Variants in JAZF1 observed in about 807,000 individuals in gnomAD.
JAZF1 encodes juxtaposed with another zinc finger protein 1.
JAZF1 carries 8 observed loss-of-function variants against 26.4 expected under a neutral mutation model. The observed-to-expected ratio is 0.30, with a 90% CI of 0.18 to 0.55. The LOEUF (loss-of-function observed/expected upper bound fraction) is 0.55, where lower values mean the gene tolerates loss of function less well. Ranked by LOEUF, JAZF1 falls within the 20% of genes least tolerant of loss-of-function variation. The pLI, the probability that JAZF1 is intolerant of heterozygous loss-of-function variation, is 0.94. For missense variants in JAZF1, 199 were observed against 322.0 expected, an observed-to-expected ratio of 0.62 and a Z score of 2.92; for synonymous variants, 126 against 122.3, an observed-to-expected ratio of 1.03 and a Z score of -0.20.
chr7:27,968,739 C>T (rs911899940), intron 2 of JAZF1, among the ~76,000 whole-genome samples: 7 of 152,022 alleles, frequency 4.6e-5, no homozygotes, highest in African/African-American at 1.7e-4. Context: ...ATATAGAAAC[C>T]AGCTTTTCAT....
intron 1 of JAZF1, among the ~76,000 whole-genome samples, chr7:28,005,423 A>C (rs1230041329): frequency 6.6e-6 from 1 of 152,180 alleles, no homozygotes; most frequent in Non-Finnish European, 1.5e-5. Flanking sequence ...TTAAAAAAAA[A>C]AAAAAAAGTC....
intron 2 of JAZF1, among the ~76,000 whole-genome samples, chr7:27,922,755 A>T (rs1784552948): frequency 1.3e-5 from 2 of 152,126 alleles, no homozygotes; most frequent in African/African-American, 4.8e-5. Context: ...TATTGAGTTT[A>T]ATCTGTGCCA....
intron 1 of JAZF1, among the ~76,000 whole-genome samples, chr7:28,063,946 T>C (rs1318174940): frequency 6.6e-6 from 1 of 152,138 alleles, no homozygotes; most frequent in Non-Finnish European, 1.5e-5. Context: ...CAAAATGGAA[T>C]TTTAAATGTA....
chr7:28,099,766 G>A (rs1254007918), intron 1 of JAZF1, among the ~76,000 whole-genome samples: 4 of 152,156 alleles, frequency 2.6e-5, no homozygotes, highest in Admixed American at 1.3e-4. Flanking sequence ...ACGATCCACC[G>A]CGCCTGGCCT....
intron 1 of JAZF1, among the ~76,000 whole-genome samples, chr7:28,125,378 G>A (rs1261254190): frequency 1.3e-5 from 2 of 152,112 alleles, no homozygotes; most frequent in Admixed American, 6.5e-5. Context: ...TACCGAGGGG[G>A]AAAAAGTGCA....
chr7:27,929,994 CTCTT>C lies in JAZF1; in HGVS notation c.189-34582_189-34579del, dbSNP rs375518788. Among the ~76,000 whole-genome samples, 1,268 of 150,858 alleles carry C rather than the reference CTCTT, an allele frequency of 8.4e-3. 18 individuals carry two copies. Among genetic ancestry groups the C allele is most frequent in the Middle Eastern group, 0.031 (9 of 290 alleles). ...TCCCTCCCTCCCTCTCTCTCTCTCT[CTCTT>C]TCTTTCTTTCTTTTTGAGACGGAGT... On this transcript the variant is annotated intron_variant, in intron 2 of 4. Transcript: ENST00000283928.
At chr7:27,869,201 C>T (rs1266894166) in intron 3 of JAZF1, among the ~76,000 whole-genome samples, 1 of 152,132 alleles carries the variant, frequency 6.6e-6, no homozygotes, top group African/African-American at 2.4e-5. Flanking sequence ...CTATTCAGGG[C>T]TGAAAAACAG....
chr7:27,911,309 G>A (rs546607316), intron 2 of JAZF1, among the ~76,000 whole-genome samples: 22 of 152,294 alleles, frequency 1.4e-4, no homozygotes, highest in African/African-American at 5.3e-4. Context: ...GATATGCTAC[G>A]TGCTTTATCA....
chr7:27,878,071 A>G (rs1193778631), intron 3 of JAZF1, among the ~76,000 whole-genome samples: 1 of 152,196 alleles, frequency 6.6e-6, no homozygotes, highest in Admixed American at 6.5e-5. Context: ...CAGGGTCTGC[A>G]GGCCCAGAGG....
intron 3 of JAZF1, among the ~76,000 whole-genome samples, chr7:27,876,144 G>A (rs778301143): frequency 7.9e-5 from 12 of 152,194 alleles, no homozygotes; most frequent in South Asian, 2.1e-4. Context: ...GGGTGTCCCC[G>A]CATGGTAACT....
chr7:27,873,397 C>T (rs1783619543), intron 3 of JAZF1, among the ~76,000 whole-genome samples: 1 of 152,158 alleles, frequency 6.6e-6, no homozygotes, highest in African/African-American at 2.4e-5. Flanking sequence ...ACACAAATTC[C>T]TTAGCGTGGC....
chr7:28,106,380 G>C (rs1323356550), intron 1 of JAZF1, among the ~76,000 whole-genome samples: 1 of 152,120 alleles, frequency 6.6e-6, no homozygotes, highest in Non-Finnish European at 1.5e-5. Flanking sequence ...ACATGCACCT[G>C]GCTTGCTGAG....
intron 3 of JAZF1, among the ~76,000 whole-genome samples, chr7:27,868,385 G>C (rs1252855747): frequency 2.0e-5 from 3 of 152,210 alleles, no homozygotes; most frequent in Non-Finnish European, 2.9e-5. Flanking sequence ...TCCCTGTGGG[G>C]TTGACTGCCG....
chr7:28,101,377 G>T (rs1730365065), intron 1 of JAZF1, among the ~76,000 whole-genome samples: 1 of 151,994 alleles, frequency 6.6e-6, no homozygotes, highest in Non-Finnish European at 1.5e-5. Context: ...TGATTCTACT[G>T]TAAGAATATC....
At chr7:28,156,776 C>T (rs1157058201) in intron 1 of JAZF1, among the ~76,000 whole-genome samples, 1 of 152,132 alleles carries the variant, frequency 6.6e-6, no homozygotes, top group Non-Finnish European at 1.5e-5. Flanking sequence ...GAGACCACTG[C>T]TCTATAAGCA....
chr7:27,907,980 T>C (rs203), intron 2 of JAZF1, among the ~76,000 whole-genome samples: 48,081 of 152,110 alleles, frequency 0.32, 7,941 homozygotes, highest in Admixed American at 0.42. Flanking sequence ...ACACATTTTC[T>C]TCTATATCTA....
At position 27,831,759 on chromosome 7, in the gene JAZF1, T is replaced by TCAA. The variant is rs1782706985; in HGVS notation, c.*1040_*1041insTTG. On this transcript the variant is annotated 3_prime_UTR_variant, in exon 5 of 5. Transcript: ENST00000283928. ...GCAATAGGGGTCTTAACAAAAGTGT[T>TCAA]CATCTTTGAAACGTGCTTAGAATTT... is the stretch of plus-strand genomic sequence containing the variant. The TCAA allele has an allele frequency of 4.5e-6, 1 of 224,426 alleles. No homozygotes were observed. The highest frequency in any genetic ancestry group is 8.9e-6 in the Non-Finnish European group (1 of 112,402). The allele number at this position is 224,426 out of a possible 1,614,324, so 13.9% of individuals were successfully genotyped here. A position where few individuals can be genotyped will look rare whatever the true frequency, so the allele number is the denominator to read the frequency against.
intron 1 of JAZF1, among the ~76,000 whole-genome samples, chr7:28,098,860 C>T (rs1784425107): frequency 6.6e-6 from 1 of 152,204 alleles, no homozygotes; most frequent in South Asian, 2.1e-4. Context: ...TGACCATCCT[C>T]CAGTGCAACA....
intron 2 of JAZF1, among the ~76,000 whole-genome samples, chr7:27,912,404 G>C (rs1362437168): frequency 6.6e-6 from 1 of 152,154 alleles, no homozygotes; most frequent in Non-Finnish European, 1.5e-5. Flanking sequence ...TAAGACCTGA[G>C]ACCAAACTGG....
Sources: allele counts gnomAD v4.1 joint callset (sites outside exome capture counted in the v4.1 genomes callset), GRCh38; gene constraint gnomAD v4.1.1; transcripts MANE v1.5; gene names NCBI Gene and HGNC (gene_info 2026-07-23, HGNC 2026-07-21).